Variants in CCSAP observed in about 807,000 individuals in gnomAD.
The protein encoded by CCSAP is centriole, cilia and spindle associated protein, also known as centriole, cilia and spindle-associated protein.
CCSAP carries 17 observed loss-of-function variants against 25.9 expected under a neutral mutation model. That is an observed-to-expected ratio of 0.66 (90% confidence interval 0.45 to 0.99). CCSAP has a LOEUF of 0.99. Among genes scored for constraint, CCSAP ranks in the 50% least tolerant of loss-of-function variants. CCSAP has a pLI of 0.00. For synonymous variants in CCSAP, 169 were observed against 157.1 expected (o/e 1.08, Z -0.57); for missense variants, 339 against 367.8 (o/e 0.92, Z 0.64).
At position 229,324,457 on chromosome 1, in the gene CCSAP, A is replaced by T. The variant is rs1359263583; in HGVS notation, c.*778T>A. The stretch of plus-strand genomic sequence containing the variant: ...AAAAAAAAAAAAAGGCAATAAAAAA[A>T]GTGAGTCTTTGACTACTCAAAAGAA... On this transcript the variant is annotated 3_prime_UTR_variant, in exon 4 of 4. Transcript: ENST00000284617. 1 of 152,528 alleles carries T rather than the reference A, an allele frequency of 6.6e-6. No homozygotes were observed. Among genetic ancestry groups the T allele is most frequent in the Non-Finnish European group, 1.5e-5 (1 of 68,004 alleles). 9.4% of individuals were successfully genotyped at this position (152,528 alleles called of 1,614,324 possible). A position where few individuals can be genotyped will look rare whatever the true frequency, so the allele number is the denominator to read the frequency against.
Position 229,325,154 on chromosome 1 carries a change from G to C in CCSAP, c.*81C>G. The C allele has an allele frequency of 1.5e-6, 2 of 1,376,902 alleles. No homozygotes were observed. The highest frequency in any genetic ancestry group is 1.5e-5 in the South Asian group (1 of 67,014). 85.3% of individuals were successfully genotyped at this position (1,376,902 alleles called of 1,614,324 possible). A position where few individuals can be genotyped will look rare whatever the true frequency, so the allele number is the denominator to read the frequency against. ...CAGTTGGTTTCTTAAACCTGTGTCCGTTTCTTTTGATGGTTTTTGTTTTGT... is the reference window on the plus strand; with the variant it reads ...CAGTTGGTTTCTTAAACCTGTGTCCCTTTCTTTTGATGGTTTTTGTTTTGT... On this transcript the variant is annotated 3_prime_UTR_variant, in exon 4 of 4. Coordinates refer to ENST00000284617, the MANE Select transcript of CCSAP (RefSeq NM_145257.5).
intron 2 of CCSAP, among the ~76,000 whole-genome samples, chr1:229,337,678 A>AATATATAT (rs60399703): frequency 1.5e-5 from 1 of 65,506 alleles, no homozygotes; most frequent in Non-Finnish European, 3.1e-5. Flanking sequence ...CTCAAAAAAA[A>AATATATAT]ATATATATAT....
chr1:229,334,803 T>A (rs1658159191), intron 2 of CCSAP, among the ~76,000 whole-genome samples: 1 of 152,094 alleles, frequency 6.6e-6, no homozygotes. Flanking sequence ...AAGCTTATAG[T>A]CTCTTCCTCT....
At position 229,333,160 on chromosome 1, in the gene CCSAP, C is replaced by T. The variant is rs191098591; in HGVS notation, c.368-6154G>A. Among the ~76,000 whole-genome samples, 640 of 152,274 alleles carry T rather than the reference C, an allele frequency of 4.2e-3. 4 individuals are homozygous for T. The highest frequency in any genetic ancestry group is 0.031 in the Middle Eastern group (9 of 294). ...CTTAAAAACATTTCTAGGCCGGGCG[C>T]GGTGGCTCACGCCTATAATCCCAGC... On this transcript the variant is annotated intron_variant, in intron 2 of 3. Transcript: ENST00000284617.
At chr1:229,332,366 C>T (rs1658089561) in intron 2 of CCSAP, among the ~76,000 whole-genome samples, 1 of 151,806 alleles carries the variant, frequency 6.6e-6, no homozygotes. Flanking sequence ...TCCAGGCAGA[C>T]AGTGTCGGAA....
At position 229,331,789 on chromosome 1, in the gene CCSAP, TA is replaced by T. The variant is rs1227096596; in HGVS notation, c.368-4784del. On this transcript the variant is annotated intron_variant, in intron 2 of 3. Transcript: ENST00000284617. ...ATCTGTGTCCTTTCTAATATCCTTTTATTATTATTATTATTATTATTATTAT... is the reference window on the plus strand; with the variant it reads ...ATCTGTGTCCTTTCTAATATCCTTTTTTATTATTATTATTATTATTATTAT... 1.5e-3 allele frequency among the ~76,000 whole-genome samples: 117 copies of T among 76,112 alleles called. 2 individuals are homozygous for T. The highest frequency in any genetic ancestry group is 3.8e-3 in the African/African-American group (64 of 16,682). 49.9% of individuals were successfully genotyped at this position (76,112 alleles called of 152,430 possible).
At chr1:229,341,605 C>G (rs760934117) in intron 2 of CCSAP, among the ~76,000 whole-genome samples, 1 of 152,194 alleles carries the variant, frequency 6.6e-6, no homozygotes, top group African/African-American at 2.4e-5. Flanking sequence ...GCAAAATATT[C>G]TTTAGGGACA....
chr1:229,326,878 C>T lies in CCSAP; in HGVS notation c.496G>A (p.Ala166Thr), dbSNP rs35006651. The T allele has an allele frequency of 0.014, 23,100 of 1,614,178 alleles. 232 individuals carry two copies. Among genetic ancestry groups the T allele is most frequent in the Non-Finnish European group, 0.018 (20,741 of 1,180,034 alleles). ...GATGATCTTTGGGGACTTTTGACCG[C>T]TTTCCTGTTTCCTCTAGCAAATAAG... Reference protein sequence around the residue: ...SALFARGNRKAVKSPQRSSSK... With the variant: ...SALFARGNRKTVKSPQRSSSK... The change falls in exon 3 of 4, where the codon GCG becomes ACG. Residue 166 changes from alanine (A) to threonine (T), a missense_variant. By Grantham distance (58) the Ala-to-Thr change is moderately conservative (BLOSUM62 0). Transcript: ENST00000284617.
chr1:229,339,883 G>A (rs975025684), intron 2 of CCSAP, among the ~76,000 whole-genome samples: 9 of 152,204 alleles, frequency 5.9e-5, no homozygotes, highest in African/African-American at 2.2e-4. Context: ...CAGGTGTGGA[G>A]ATGGGCCGTG....
At chr1:229,336,822 T>C (rs989100746) in intron 2 of CCSAP, among the ~76,000 whole-genome samples, 2 of 152,094 alleles carry the variant, frequency 1.3e-5, no homozygotes, top group African/African-American at 4.8e-5. Context: ...TTAAAAGAAA[T>C]CTGAAAACAG....
intron 3 of CCSAP, among the ~76,000 whole-genome samples, chr1:229,326,054 G>T (rs237802): frequency 0.64 from 97,660 of 152,080 alleles, 31,547 homozygotes; most frequent in African/African-American, 0.69. Flanking sequence ...CTTAAACGCA[G>T]CCTTTGCTTT....
chr1:229,330,661 T>G (rs1658045939), intron 2 of CCSAP, among the ~76,000 whole-genome samples: 2 of 151,712 alleles, frequency 1.3e-5, no homozygotes, highest in South Asian at 4.2e-4. Flanking sequence ...GCTAACACGG[T>G]GAAACCTCGT....
At chr1:229,340,583 G>C in intron 2 of CCSAP, 1 of 597,676 alleles carries the variant, frequency 1.7e-6, no homozygotes, top group East Asian at 2.9e-5. Context: ...GAATAATCTG[G>C]AAGGCATGTT....
intron 2 of CCSAP, among the ~76,000 whole-genome samples, chr1:229,337,950 A>G (rs1341936496): frequency 1.3e-5 from 2 of 151,866 alleles, no homozygotes; most frequent in African/African-American, 4.8e-5. Flanking sequence ...CAAAATAAGC[A>G]AACAAAAAAG....
chr1:229,333,036 T>C (rs1388357986), intron 2 of CCSAP, among the ~76,000 whole-genome samples: 1 of 152,174 alleles, frequency 6.6e-6, no homozygotes, highest in Non-Finnish European at 1.5e-5. Context: ...TCTTAAGATA[T>C]TTACAAAATT....
intron 2 of CCSAP, among the ~76,000 whole-genome samples, chr1:229,329,517 A>C (rs1164821418): frequency 1.3e-5 from 2 of 152,314 alleles, no homozygotes; most frequent in East Asian, 3.9e-4. Flanking sequence ...CTTGGAGATG[A>C]AGAATCATCA....
intron 3 of CCSAP, 62 bp downstream of exon 3, chr1:229,326,676 G>A: frequency 6.3e-7 from 1 of 1,586,404 alleles, no homozygotes; most frequent in Non-Finnish European, 8.6e-7. Flanking sequence ...CCCGATGACA[G>A]GCGCATGGCC....
chr1:229,329,905 C>T (rs1658029966), intron 2 of CCSAP, among the ~76,000 whole-genome samples: 1 of 152,128 alleles, frequency 6.6e-6, no homozygotes, highest in African/African-American at 2.4e-5. Context: ...GCAGGAGAAT[C>T]GCTTGAACCC....
At chr1:229,340,276 G>C in intron 2 of CCSAP, 1 of 650,558 alleles carries the variant, frequency 1.5e-6, no homozygotes. Context: ...CTGCGATTGA[G>C]TCCTGAAAGC....
Sources: gnomAD v4.1 joint callset for allele counts (sites outside exome capture counted in the v4.1 genomes callset) on GRCh38, gnomAD v4.1.1 for gene constraint, MANE v1.5 for transcripts, NCBI Gene and HGNC (gene_info 2026-07-23, HGNC 2026-07-21) for gene names.